The following CACNA1E variants were observed in gnomAD, a reference collection of about 807,000 sequenced individuals.
CACNA1E encodes the protein calcium voltage-gated channel subunit alpha1 E.
Under a neutral mutation model 259.2 loss-of-function variants are expected in CACNA1E, and 40 were observed. The ratio of observed to expected loss-of-function variants is 0.15; its 90% CI spans 0.12 to 0.20. The LOEUF (loss-of-function observed/expected upper bound fraction) is 0.20. Among genes scored for constraint, CACNA1E ranks in the 10% least tolerant of loss-of-function variants. CACNA1E has a pLI of 1.00. For missense variants in CACNA1E, 1,874 were observed against 3,040.1 expected (o/e 0.62, Z 9.02); for synonymous variants, 1,104 against 1,138.5 (o/e 0.97, Z 0.61).
At chr1:181,468,720 A>G (rs1662307102) in intron 2 of CACNA1E, among the ~76,000 whole-genome samples, 1 of 152,166 alleles carries the variant, frequency 6.6e-6, no homozygotes, top group Non-Finnish European at 1.5e-5. Context: ...TTGCTTCATA[A>G]GGGAGGTAGC....
In CACNA1E at chr1:181,790,510, G is replaced by A. The variant is rs1477828881; in HGVS notation, c.5852G>A (p.Cys1951Tyr). 1 of 1,613,658 alleles carries A rather than the reference G, an allele frequency of 6.2e-7. No homozygotes were observed. The highest frequency in any genetic ancestry group is 8.5e-7 in the Non-Finnish European group (1 of 1,179,572). ...CCCCAGGATATATTCCAGTTGGCTTGTATGGACCCCGCCGATGACGGACAG... is the reference window on the plus strand; with the variant it reads ...CCCCAGGATATATTCCAGTTGGCTTATATGGACCCCGCCGATGACGGACAG... ...LSPQDIFQLA[C>Y]MDPADDGQFQ... is the part of the protein sequence containing the mutation. Residue 1951 changes from cysteine (C) to tyrosine (Y), a missense_variant, in exon 44 of 48, where the codon TGT (cysteine) becomes TAT (tyrosine). This residue lies in a region of CACNA1E where 542 missense variants were observed against 587.2 expected (regional missense o/e 0.92). Coordinates refer to ENST00000367573, the MANE Select transcript of CACNA1E (RefSeq NM_001205293.3).
intron 1 of CACNA1E, among the ~76,000 whole-genome samples, chr1:181,510,125 T>C (rs991032712): frequency 2.0e-5 from 3 of 152,216 alleles, no homozygotes; most frequent in Non-Finnish European, 4.4e-5. Flanking sequence ...TTCTTCCTCC[T>C]TTCTTCCCCC....
chr1:181,640,583 C>T lies in CACNA1E; in HGVS notation c.952-10755C>T, dbSNP rs554743166. ...AGAGATGTTCAATGATAAATTAATT[C>T]GCCTTCTGCTCAGAATTCATTGAGG... is the stretch of plus-strand genomic sequence containing the variant. On this transcript the variant is annotated intron_variant, in intron 6 of 47. Coordinates refer to ENST00000367573, the MANE Select transcript of CACNA1E (RefSeq NM_001205293.3). Among the ~76,000 whole-genome samples the T allele has an allele frequency of 4.6e-5, 7 of 152,250 alleles. No individual in the cohort carries two copies. The South Asian group carries it at 1.0e-3, about 23-fold the overall frequency.
At chr1:181,484,375 A>C (rs188760408) in intron 1 of CACNA1E, among the ~76,000 whole-genome samples, 1 of 151,860 alleles carries the variant, frequency 6.6e-6, no homozygotes, top group Non-Finnish European at 1.5e-5. Flanking sequence ...TTCATAATTA[A>C]TTCTCATTTT....
At chr1:181,662,885 C>T (rs1044433252) in intron 7 of CACNA1E, among the ~76,000 whole-genome samples, 57 of 152,226 alleles carry the variant, frequency 3.7e-4, no homozygotes, top group African/African-American at 1.4e-3. Flanking sequence ...TTAGACACTC[C>T]ACCATTTGAA....
intron 3 of CACNA1E, among the ~76,000 whole-genome samples, chr1:181,556,023 A>G (rs1044208286): frequency 5.3e-5 from 8 of 152,222 alleles, no homozygotes; most frequent in Non-Finnish European, 1.2e-4. Flanking sequence ...TTTTGGAATA[A>G]CAAAGATGAG....
intron 25 of CACNA1E, among the ~76,000 whole-genome samples, chr1:181,748,309 T>G (rs1207181073): frequency 6.6e-6 from 1 of 152,188 alleles, no homozygotes; most frequent in East Asian, 1.9e-4. Flanking sequence ...GAGTTTGCAT[T>G]ATAACATGCC....
chr1:181,347,916 T>A (rs543152382), intron 1 of CACNA1E, among the ~76,000 whole-genome samples: 6 of 152,342 alleles, frequency 3.9e-5, no homozygotes, highest in African/African-American at 1.4e-4. Context: ...AAAAGGCAAT[T>A]TGCATAGGCG....
At chr1:181,373,761 G>A (rs1018288379) in intron 1 of CACNA1E, among the ~76,000 whole-genome samples, 1 of 152,032 alleles carries the variant, frequency 6.6e-6, no homozygotes, top group Non-Finnish European at 1.5e-5. Flanking sequence ...TCCTGACCTT[G>A]TGATCCGCCC....
chr1:181,524,247 T>A (rs1339839887), intron 3 of CACNA1E, among the ~76,000 whole-genome samples: 1 of 152,184 alleles, frequency 6.6e-6, no homozygotes, highest in Non-Finnish European at 1.5e-5. Context: ...ATATTTTATG[T>A]TTGTATGGGA....
chr1:181,366,055 G>A (rs945974518), intron 1 of CACNA1E, among the ~76,000 whole-genome samples: 2 of 152,172 alleles, frequency 1.3e-5, no homozygotes, highest in African/African-American at 4.8e-5. Flanking sequence ...ACATCTGTGG[G>A]CTGGGGAGAG....
At position 181,799,185 on chromosome 1, in the gene CACNA1E, G is replaced by A. The variant is rs908735651; in HGVS notation, c.*351G>A. On this transcript the variant is annotated 3_prime_UTR_variant, in exon 48 of 48. Transcript: ENST00000367573. ...CTGTGGAGGGATCTAGCTGGCCTAT[G>A]TCTACACTCAGTGCCCTGAGAAGCC... The A allele has an allele frequency of 2.2e-5, 4 of 183,064 alleles. No homozygotes were observed. The highest frequency in any genetic ancestry group is 2.3e-5 in the Non-Finnish European group (2 of 88,594). The allele number at this position is 183,064 out of a possible 1,614,324, so 11.3% of individuals were successfully genotyped here. A position where few individuals can be genotyped will look rare whatever the true frequency, so the allele number is the denominator to read the frequency against.
intron 32 of CACNA1E, 121 bp from the exon 33 acceptor site, chr1:181,762,453 A>T: frequency 3.0e-6 from 2 of 670,614 alleles, no homozygotes; most frequent in South Asian, 3.4e-5. Flanking sequence ...GAGTGAACTT[A>T]TGCATTAATT....
chr1:181,374,473 T>A (rs547569715), intron 1 of CACNA1E, among the ~76,000 whole-genome samples: 429 of 151,408 alleles, frequency 2.8e-3, no homozygotes, highest in African/African-American at 4.1e-3. Context: ...AAAAAAAAAA[T>A]TTTTTTTGAG....
intron 1 of CACNA1E, among the ~76,000 whole-genome samples, chr1:181,345,480 C>G (rs1353258031): frequency 6.6e-6 from 1 of 152,138 alleles, no homozygotes; most frequent in Non-Finnish European, 1.5e-5. Context: ...TGAGTGGCTA[C>G]CGAGAAGGCT....
chr1:181,794,962 C>G lies in CACNA1E; in HGVS notation c.6126C>G (p.Ser2042Arg), dbSNP rs1244288805. Residue 2042 changes from serine to arginine, a missense_variant, in exon 46 of 48, where the codon AGC becomes AGG. Around this residue, in one of 14 missense-constraint regions of CACNA1E, gnomAD observed 542 missense variants for 587.2 expected, o/e 0.92. Transcript: ENST00000367573. ...TGGAGGAATTCTCCATGGAGCGAAGCAGTGAAAATACCTACAAGTCCCGTC... is the reference window on the plus strand; with the variant it reads ...TGGAGGAATTCTCCATGGAGCGAAGGAGTGAAAATACCTACAAGTCCCGTC... ...SWLEEFSMER[S>R]SENTYKSRRR... 2 of 1,613,860 alleles carry G rather than the reference C, an allele frequency of 1.2e-6. No homozygotes were observed. Among genetic ancestry groups the G allele is most frequent in the African/African-American group, 2.7e-5 (2 of 74,920 alleles).
chr1:181,397,092 GA>G (rs971581072), intron 1 of CACNA1E, among the ~76,000 whole-genome samples: 3 of 152,180 alleles, frequency 2.0e-5, no homozygotes, highest in African/African-American at 7.2e-5. Flanking sequence ...GCCACCAGAT[GA>G]GGGAATTCTA....
intron 6 of CACNA1E, among the ~76,000 whole-genome samples, chr1:181,615,627 C>T (rs1465663309): frequency 6.6e-6 from 1 of 152,128 alleles, no homozygotes; most frequent in Non-Finnish European, 1.5e-5. Flanking sequence ...AATTCACTTA[C>T]CAATTTTAGT....
intron 1 of CACNA1E, among the ~76,000 whole-genome samples, chr1:181,367,977 T>TGTCAGGGTCTTTGGGA (rs1654402690): frequency 6.6e-6 from 1 of 152,202 alleles, no homozygotes; most frequent in Non-Finnish European, 1.5e-5. Flanking sequence ...GCCCCTGTAA[T>TGTCAGGGTCTTTGGGA]CCCAGCACTT....
Sources: gnomAD v4.1 joint callset for allele counts (sites outside exome capture counted in the v4.1 genomes callset) on GRCh38, gnomAD v4.1.1 for gene constraint, gnomAD v4.1.1 regional missense constraint, MANE v1.5 for transcripts, NCBI Gene and HGNC (gene_info 2026-07-23, HGNC 2026-07-21) for gene names.